Variants in PRKN observed in about 807,000 individuals in gnomAD.
PRKN encodes E3 ubiquitin-protein ligase parkin.
A neutral mutation model predicts 59.5 loss-of-function variants in PRKN; 56 were observed. The observed-to-expected ratio is 0.94, with a 90% CI of 0.76 to 1.18. The LOEUF is 1.18. PRKN is among the 50% of genes most tolerant of loss of function. The pLI is 0.00. For missense variants in PRKN, 657 were observed against 596.4 expected, an observed-to-expected ratio of 1.10 and a Z score of -1.06; for synonymous variants, 250 against 222.1, an observed-to-expected ratio of 1.13 and a Z score of -1.12.
intron 1 of PRKN, among the ~76,000 whole-genome samples, chr6:162,551,509 G>A (rs1779331094): frequency 6.6e-6 from 1 of 152,118 alleles, no homozygotes; most frequent in South Asian, 2.1e-4. Context: ...CAGAAAATTA[G>A]GCAAGTACTT....
chr6:162,265,241 A>G (rs1429134359), intron 2 of PRKN: 1 of 152,152 alleles, frequency 6.6e-6, no homozygotes, highest in Non-Finnish European at 1.5e-5. Flanking sequence ...CTATTCTTCA[A>G]AATCATGCAC....
intron 1 of PRKN, among the ~76,000 whole-genome samples, chr6:162,562,860 A>G (rs1430994708): frequency 6.6e-6 from 1 of 152,162 alleles, no homozygotes; most frequent in African/African-American, 2.4e-5. Context: ...GGGAGTGGTT[A>G]CAGCAGGACT....
intron 1 of PRKN, among the ~76,000 whole-genome samples, chr6:162,527,333 A>C (rs76830585): frequency 0.013 from 1,994 of 152,348 alleles, 24 homozygotes; most frequent in Non-Finnish European, 0.02. Context: ...CGCACATAAC[A>C]GTCTTCGAAG....
chr6:162,514,826 T>G (rs1421250325), intron 1 of PRKN, among the ~76,000 whole-genome samples: 1 of 152,164 alleles, frequency 6.6e-6, no homozygotes, highest in Non-Finnish European at 1.5e-5. Context: ...TGAGACTATA[T>G]TTTAGACTAA....
intron 1 of PRKN, among the ~76,000 whole-genome samples, chr6:162,541,647 AG>A (rs1778928927): frequency 6.6e-6 from 1 of 152,196 alleles, no homozygotes; most frequent in African/African-American, 2.4e-5. Context: ...GAGCATTCTC[AG>A]AAACACATTT....
Position 161,378,470 on chromosome 6 carries a change from G to C in PRKN, c.1167+8324C>G, listed in dbSNP as rs147431648. Among the ~76,000 whole-genome samples the C allele has an allele frequency of 3.5e-3, 527 of 152,312 alleles. 2 individuals are homozygous for C. The highest frequency in any genetic ancestry group is 0.012 in the African/African-American group (504 of 41,574). On this transcript the variant is annotated intron_variant, in intron 10 of 11. Transcript: ENST00000366898. This position sits in a 1 kb window ranked among gnomAD's most constrained non-coding sequence, Gnocchi z 7.3. ...AGGAGACCAACTAACTGGCCAGTGG[G>C]TGTCAGGTGGATCACAGTGACACCA...
intron 7 of PRKN, among the ~76,000 whole-genome samples, chr6:161,672,775 C>CACAAAACAAA (rs138569552): frequency 6.6e-6 from 1 of 152,092 alleles, no homozygotes; most frequent in Non-Finnish European, 1.5e-5. Context: ...GACTCCATTA[C>CACAAAACAAA]ACAAAACAAA....
intron 1 of PRKN, among the ~76,000 whole-genome samples, chr6:162,634,304 T>C (rs576631117): frequency 6.6e-6 from 1 of 151,990 alleles, no homozygotes; most frequent in Non-Finnish European, 1.5e-5. Flanking sequence ...GGTTTCTCCC[T>C]CCTCCTCCTC....
At chr6:161,656,086 G>C (rs1784340402) in intron 7 of PRKN, among the ~76,000 whole-genome samples, 2 of 152,180 alleles carry the variant, frequency 1.3e-5, no homozygotes, top group Non-Finnish European at 2.9e-5. Context: ...AGCTGACTGT[G>C]GCAGCTCGGG....
chr6:161,677,259 T>C (rs1349052931), intron 7 of PRKN, among the ~76,000 whole-genome samples: 1 of 150,462 alleles, frequency 6.6e-6, no homozygotes, highest in Non-Finnish European at 1.5e-5. Flanking sequence ...AATAGTTCTC[T>C]ACAATGAAAT....
intron 2 of PRKN, among the ~76,000 whole-genome samples, chr6:162,370,406 T>C (rs141614688): frequency 5.3e-5 from 8 of 152,310 alleles, no homozygotes; most frequent in African/African-American, 1.9e-4. Context: ...ACCAAGGATG[T>C]TGTATAAATA....
At chr6:161,570,146 A>AAAAAAAATAT (rs869285771) in intron 7 of PRKN, among the ~76,000 whole-genome samples, 61 of 76,562 alleles carry the variant, frequency 8.0e-4, no homozygotes, top group African/African-American at 4.1e-3. Context: ...AAAAAAAAAA[A>AAAAAAAATAT]ATATATATAT....
rs577239809 is a variant in PRKN, at chr6:162,290,595, A to G, written c.172-27830T>C. On this transcript the variant is annotated intron_variant, in intron 2 of 11. Transcript: ENST00000366898. ...TTAATTGCCTCATGTATATTTCTCCACTGAGTTAGTAATATTATGACAATA... is the reference window on the plus strand; with the variant it reads ...TTAATTGCCTCATGTATATTTCTCCGCTGAGTTAGTAATATTATGACAATA... Among the ~76,000 whole-genome samples the G allele has an allele frequency of 7.2e-5, 11 of 152,264 alleles. 1 individual carries two copies. The highest frequency in any genetic ancestry group is 7.2e-4 in the Admixed American group (11 of 15,280).
intron 1 of PRKN, among the ~76,000 whole-genome samples, chr6:162,701,203 T>G (rs1778139501): frequency 6.6e-6 from 1 of 152,074 alleles, no homozygotes; most frequent in Non-Finnish European, 1.5e-5. Context: ...AAACCAAAAT[T>G]CAATGTGATT....
Position 161,594,512 on chromosome 6 carries a change from C to G in PRKN, c.872-25096G>C, listed in dbSNP as rs549380615. 3.3e-5 allele frequency among the ~76,000 whole-genome samples: 5 copies of G among 152,260 alleles called. No homozygotes were observed. In the South Asian group the frequency reaches 1.0e-3, roughly 32 times the overall value. On this transcript the variant is annotated intron_variant, in intron 7 of 11. Transcript: ENST00000366898. ...TCACTTCTTTCCAATATCAAGACAC[C>G]CGTAGGACACAATAATATATTTTCT...
rs1791691417 is a variant in PRKN, at chr6:161,487,181, C to T, written c.1083+61673G>A. Among the ~76,000 whole-genome samples the T allele has an allele frequency of 6.6e-6, 1 of 152,166 alleles. No homozygotes were observed. Among genetic ancestry groups the T allele is most frequent in the Non-Finnish European group, 1.5e-5 (1 of 68,034 alleles). On this transcript the variant is annotated intron_variant, in intron 9 of 11. Coordinates refer to ENST00000366898, the MANE Select transcript of PRKN (RefSeq NM_004562.3). The surrounding 1 kb of genome is among the most constrained non-coding windows in gnomAD (Gnocchi z 5.3). The stretch of plus-strand genomic sequence containing the variant: ...GGACTGTATATGGATCATGTTTAAT[C>T]CAAAAGCAATTCTGAGTGAAGTCCT...
intron 8 of PRKN, among the ~76,000 whole-genome samples, chr6:161,568,265 T>C (rs1475693919): frequency 6.6e-6 from 1 of 152,220 alleles, no homozygotes; most frequent in Admixed American, 6.5e-5. Flanking sequence ...TATTTCCTGG[T>C]CAAAGTTGGC....
intron 4 of PRKN, among the ~76,000 whole-genome samples, chr6:162,197,145 G>A (rs943807204): frequency 3.9e-5 from 6 of 152,092 alleles, no homozygotes; most frequent in South Asian, 2.1e-4. Context: ...GTAAGTTATC[G>A]ATCCTTATAA....
intron 6 of PRKN, among the ~76,000 whole-genome samples, chr6:161,948,191 T>C (rs1779852742): frequency 6.6e-6 from 1 of 152,130 alleles, no homozygotes. Flanking sequence ...TTCACCATGT[T>C]GGCCAGGCTG....
Sources: gnomAD v4.1 joint callset for allele counts (sites outside exome capture counted in the v4.1 genomes callset) on GRCh38, gnomAD v4.1.1 for gene constraint, Gnocchi (gnomAD v3.1) non-coding constraint, MANE v1.5 for transcripts, NCBI Gene and HGNC (gene_info 2026-07-23, HGNC 2026-07-21) for gene names.